Variants in MINPP1 observed in about 807,000 individuals in gnomAD.
MINPP1 encodes the protein multiple inositol-polyphosphate phosphatase 1, also known as multiple inositol polyphosphate phosphatase 1.
In MINPP1, 28 loss-of-function variants were observed where a neutral mutation model predicts 46.1. That is an observed-to-expected ratio of 0.61 (90% confidence interval 0.45 to 0.83). The LOEUF (loss-of-function observed/expected upper bound fraction) is 0.83. MINPP1 is among the 40% of genes least tolerant of loss of function. The pLI is 0.00. For synonymous variants in MINPP1, 268 were observed against 249.1 expected, an observed-to-expected ratio of 1.08 and a Z score of -0.72; for missense variants, 603 against 610.0, an observed-to-expected ratio of 0.99 and a Z score of 0.12.
chr10:87,524,343 G>C (rs1276078224), intron 4 of MINPP1, among the ~76,000 whole-genome samples: 2 of 152,128 alleles, frequency 1.3e-5, no homozygotes, highest in Non-Finnish European at 2.9e-5. Flanking sequence ...AGCTTTTCTA[G>C]AATTGAGGAG....
Position 87,505,661 on chromosome 10 carries a change from C to G in MINPP1, c.637+109C>G, listed in dbSNP as rs1851236157. ...TTCCGATGCCCCCCAGTTCTCTTTC[C>G]TCTTTTCCCAAGCCATCATCCCTCG... On this transcript the variant is annotated intron_variant, in intron 1 of 4. Transcript: ENST00000371996. This position sits in a 1 kb window ranked among gnomAD's most constrained non-coding sequence, Gnocchi z 4.4. 2 of 1,035,618 alleles carry G rather than the reference C, an allele frequency of 1.9e-6. No individual in the cohort carries two copies. Among genetic ancestry groups the G allele is most frequent in the Admixed American group, 2.4e-5 (1 of 41,844 alleles). 64.2% of individuals were successfully genotyped at this position (1,035,618 alleles called of 1,614,324 possible).
chr10:87,528,781 G>A (rs1194924321), intron 4 of MINPP1, among the ~76,000 whole-genome samples: 4 of 152,130 alleles, frequency 2.6e-5, no homozygotes, highest in African/African-American at 7.2e-5. Context: ...TTTCTGTTTC[G>A]TTGATCTGTC....
At chr10:87,537,267 CTT>C (rs1302588890) in intron 4 of MINPP1, among the ~76,000 whole-genome samples, 1 of 152,128 alleles carries the variant, frequency 6.6e-6, no homozygotes, top group Non-Finnish European at 1.5e-5. Context: ...AACTGCCAAA[CTT>C]TTCCCACCAA....
intron 3 of MINPP1, among the ~76,000 whole-genome samples, chr10:87,515,247 C>T (rs187653896): frequency 1.9e-3 from 282 of 151,938 alleles, no homozygotes; most frequent in African/African-American, 6.6e-3. Context: ...ATTAGCCAAG[C>T]GTGGTGGTGC....
At chr10:87,530,203 T>G (rs979688593) in intron 4 of MINPP1, among the ~76,000 whole-genome samples, 8 of 152,232 alleles carry the variant, frequency 5.3e-5, no homozygotes, top group Non-Finnish European at 8.8e-5. Context: ...GAAGCCTTCT[T>G]CTCTCAACTC....
intron 4 of MINPP1, among the ~76,000 whole-genome samples, chr10:87,544,084 T>G (rs1851854717): frequency 6.6e-6 from 1 of 152,196 alleles, no homozygotes; most frequent in Non-Finnish European, 1.5e-5. Flanking sequence ...TCCCCAAGAT[T>G]GCCCCCTGCC....
At chr10:87,515,005 C>T (rs1256231232) in intron 3 of MINPP1, among the ~76,000 whole-genome samples, 1 of 151,980 alleles carries the variant, frequency 6.6e-6, no homozygotes, top group African/African-American at 2.4e-5. Context: ...CATCAGCCAC[C>T]ACTCCTGGCC....
intron 2 of MINPP1, among the ~76,000 whole-genome samples, chr10:87,511,457 TC>T (rs1240936790): frequency 6.6e-6 from 1 of 152,084 alleles, no homozygotes; most frequent in Non-Finnish European, 1.5e-5. Flanking sequence ...AGGGTCTATT[TC>T]GTTTTTTAAA....
intron 4 of MINPP1, among the ~76,000 whole-genome samples, chr10:87,543,342 GAGCAACCA>G (rs1474028293): frequency 2.0e-5 from 3 of 152,138 alleles, no homozygotes; most frequent in Non-Finnish European, 4.4e-5. Context: ...GCAGGCTGTG[GAGCAACCA>G]CCTGAAAAAG....
At chr10:87,543,770 TAAAC>T (rs904071930) in intron 4 of MINPP1, among the ~76,000 whole-genome samples, 26 of 152,342 alleles carry the variant, frequency 1.7e-4, no homozygotes, top group South Asian at 4.1e-4. Context: ...CCCAGACTCT[TAAAC>T]AACCAGATTT....
At chr10:87,515,822 ATTTTTTTTT>A (rs71019482) in intron 3 of MINPP1, among the ~76,000 whole-genome samples, 1 of 84,106 alleles carries the variant, frequency 1.2e-5, no homozygotes, top group Non-Finnish European at 2.3e-5. Context: ...TTTGTTAAGA[ATTTTTTTTT>A]TTTTTTTTTT....
chr10:87,511,732 T>A (rs1851337456), intron 2 of MINPP1, among the ~76,000 whole-genome samples: 1 of 152,144 alleles, frequency 6.6e-6, no homozygotes, highest in Non-Finnish European at 1.5e-5. Context: ...TTTTTTCTGG[T>A]AAACTCTCTT....
intron 3 of MINPP1, among the ~76,000 whole-genome samples, chr10:87,514,648 C>T (rs566278958): frequency 2.0e-5 from 3 of 152,264 alleles, no homozygotes; most frequent in East Asian, 1.9e-4. Flanking sequence ...AAGAGCACTA[C>T]GTAAGTGATA....
intron 4 of MINPP1, among the ~76,000 whole-genome samples, chr10:87,528,035 G>A (rs1003462527): frequency 2.6e-4 from 39 of 152,120 alleles, no homozygotes; most frequent in Admixed American, 2.0e-3. Flanking sequence ...TTATATTTCT[G>A]TGGGATTGGT....
At chr10:87,510,239 T>C (rs1048512545) in intron 2 of MINPP1, among the ~76,000 whole-genome samples, 1 of 152,242 alleles carries the variant, frequency 6.6e-6, no homozygotes, top group Admixed American at 6.5e-5. Context: ...AATAAATACT[T>C]TTGCTATTTA....
chr10:87,544,303 C>T (rs1161467632), intron 4 of MINPP1, among the ~76,000 whole-genome samples: 1 of 152,190 alleles, frequency 6.6e-6, no homozygotes, highest in Non-Finnish European at 1.5e-5. Context: ...GGATGTGGAG[C>T]TTCCATGCCC....
At chr10:87,537,351 C>G (rs1225619966) in intron 4 of MINPP1, among the ~76,000 whole-genome samples, 1 of 152,106 alleles carries the variant, frequency 6.6e-6, no homozygotes, top group Non-Finnish European at 1.5e-5. Context: ...TTTAACCATT[C>G]TAATGGGTGT....
chr10:87,526,548 A>G (rs2131821138), intron 4 of MINPP1, among the ~76,000 whole-genome samples: 1 of 152,240 alleles, frequency 6.6e-6, no homozygotes, highest in South Asian at 2.1e-4. Flanking sequence ...TCTTTAGTTT[A>G]ATTAGATCCC....
At position 87,508,151 on chromosome 10, in the gene MINPP1, G is replaced by T. The variant is rs536979193; in HGVS notation, c.638-185G>T. 7 of 1,538,398 alleles carry T rather than the reference G, an allele frequency of 4.6e-6. No individual in the cohort carries two copies. The African/African-American group carries it at 9.6e-5, about 21-fold the overall frequency. Reference sequence around the variant, plus strand: ...TAGCCTTTTCTAGCTATTCTCATGCGTTACAGCCATTATAAATGGGGAATA... The same window carrying T: ...TAGCCTTTTCTAGCTATTCTCATGCTTTACAGCCATTATAAATGGGGAATA... On this transcript the variant is annotated intron_variant, in intron 1 of 4. Coordinates refer to ENST00000371996, the MANE Select transcript of MINPP1 (RefSeq NM_004897.5).
Sources: gnomAD v4.1 joint callset for allele counts (sites outside exome capture counted in the v4.1 genomes callset) on GRCh38, gnomAD v4.1.1 for gene constraint, Gnocchi (gnomAD v3.1) non-coding constraint, MANE v1.5 for transcripts, NCBI Gene and HGNC (gene_info 2026-07-23, HGNC 2026-07-21) for gene names.